Variants in HIBADH observed in about 807,000 individuals in gnomAD.
The protein encoded by HIBADH is 3-hydroxyisobutyrate dehydrogenase.
Under a neutral mutation model 36.1 loss-of-function variants are expected in HIBADH, and 25 were observed. The ratio of observed to expected loss-of-function variants is 0.69; its 90% CI spans 0.50 to 0.97. The LOEUF is 0.97. Ranked by LOEUF, HIBADH falls within the 50% of genes least tolerant of loss-of-function variation. HIBADH has a pLI of 0.00. For missense variants in HIBADH, 421 were observed against 418.0 expected, an observed-to-expected ratio of 1.01 and a Z score of -0.06; for synonymous variants, 160 against 149.5, an observed-to-expected ratio of 1.07 and a Z score of -0.51.
intron 4 of HIBADH, among the ~76,000 whole-genome samples, chr7:27,567,339 A>G (rs898501375): frequency 1.3e-5 from 2 of 152,112 alleles, no homozygotes; most frequent in African/African-American, 4.8e-5. Flanking sequence ...TTTACATGGT[A>G]TATCTTTTTC....
In HIBADH at chr7:27,662,741, G is replaced by C. The variant is rs1372447633; in HGVS notation, c.48C>G (p.Tyr16Ter). ...RLLGAASGLRYWSRRLRPAAG... is the reference protein window; with the variant it reads ...RLLGAASGLR ...CTGCCGGCCGCAGCCGCCGGCTCCAGTACCGGAGACCGGAGGCAGCTCCGA... is the reference window on the plus strand; with the variant it reads ...CTGCCGGCCGCAGCCGCCGGCTCCACTACCGGAGACCGGAGGCAGCTCCGA... Residue 16 changes from tyrosine to a stop codon, truncating the protein, a stop_gained, in exon 1 of 8, where the codon TAC becomes TAG. Coordinates refer to ENST00000265395, the MANE Select transcript of HIBADH (RefSeq NM_152740.4). LOFTEE classifies it high-confidence loss of function. 7.0e-7 allele frequency: 1 copy of C among 1,424,402 alleles called. No homozygotes were observed. Among genetic ancestry groups the C allele is most frequent in the Non-Finnish European group, 9.2e-7 (1 of 1,085,156 alleles). The allele number at this position is 1,424,402 out of a possible 1,614,324, so 88.2% of individuals were successfully genotyped here.
At chr7:27,543,551 C>T (rs1296118263) in intron 4 of HIBADH, among the ~76,000 whole-genome samples, 1 of 152,034 alleles carries the variant, frequency 6.6e-6, no homozygotes, top group Non-Finnish European at 1.5e-5. Context: ...CTCACTCACC[C>T]ACTCTCCAAA....
intron 4 of HIBADH, among the ~76,000 whole-genome samples, chr7:27,554,563 T>C (rs1173282282): frequency 6.6e-6 from 1 of 152,314 alleles, no homozygotes; most frequent in South Asian, 2.1e-4. Context: ...TCTAGTTTGC[T>C]TGAGAAGAAA....
intron 4 of HIBADH, among the ~76,000 whole-genome samples, chr7:27,599,149 C>T (rs62456949): frequency 0.093 from 14,169 of 152,120 alleles, 919 homozygotes; most frequent in Non-Finnish European, 0.14. Context: ...AACATCATAT[C>T]AAAAATGTGT....
At chr7:27,532,544 G>A (rs1274922737) in intron 6 of HIBADH, among the ~76,000 whole-genome samples, 1 of 152,184 alleles carries the variant, frequency 6.6e-6, no homozygotes, top group African/African-American at 2.4e-5. Context: ...CCAAAAATAT[G>A]TATGGAATTA....
At chr7:27,631,971 A>C (rs1229561030) in intron 3 of HIBADH, among the ~76,000 whole-genome samples, 17 of 152,186 alleles carry the variant, frequency 1.1e-4, no homozygotes, top group Non-Finnish European at 7.4e-5. Flanking sequence ...ATGTTTGGCT[A>C]TATTTTTCAT....
intron 4 of HIBADH, among the ~76,000 whole-genome samples, chr7:27,565,620 G>A (rs955199052): frequency 6.6e-6 from 1 of 152,160 alleles, no homozygotes; most frequent in African/African-American, 2.4e-5. Flanking sequence ...TTGTGAATAT[G>A]AATAGTTTTA....
chr7:27,612,389 G>A (rs1364494394), intron 4 of HIBADH, among the ~76,000 whole-genome samples: 7 of 149,354 alleles, frequency 4.7e-5, no homozygotes, highest in African/African-American at 1.5e-4. Context: ...GCAATGGCTC[G>A]ATGTCGGCTC....
chr7:27,650,640 G>A lies in HIBADH; in HGVS notation c.92-1007C>T, dbSNP rs117451171. Among the ~76,000 whole-genome samples, 409 of 146,592 alleles carry A rather than the reference G, an allele frequency of 2.8e-3. 15 individuals are homozygous for A. The East Asian group carries it at 0.063, about 23-fold the overall frequency. ...CCGGTGTAGCTGGGATCACAGACAC[G>A]CACCACCATGCCTGGCTAATTTTTG... is the stretch of plus-strand genomic sequence containing the variant. On this transcript the variant is annotated intron_variant, in intron 1 of 7. Transcript: ENST00000265395.
intron 4 of HIBADH, among the ~76,000 whole-genome samples, chr7:27,559,717 A>C (rs1784438845): frequency 6.6e-6 from 1 of 152,196 alleles, no homozygotes. Flanking sequence ...GGAATATGAC[A>C]GGATTTTCTA....
intron 1 of HIBADH, among the ~76,000 whole-genome samples, chr7:27,659,850 T>C (rs1451010874): frequency 6.6e-6 from 1 of 152,220 alleles, no homozygotes; most frequent in Non-Finnish European, 1.5e-5. Flanking sequence ...TTCACGCCAG[T>C]AGTTCTAGAC....
Position 27,556,800 on chromosome 7 carries a change from A to G in HIBADH, c.485-13700T>C, listed in dbSNP as rs553446778. Among the ~76,000 whole-genome samples, 7 of 152,286 alleles carry G rather than the reference A, an allele frequency of 4.6e-5. No individual in the cohort carries two copies. The East Asian group carries it at 1.4e-3, about 29-fold the overall frequency. On this transcript the variant is annotated intron_variant, in intron 4 of 7. Transcript: ENST00000265395. ...ATGCTGTTTTAATCACTGTAACTTT[A>G]TACTGTGTTCTGATATTTATGGAGT...
At chr7:27,531,473 G>C (rs1453096014) in intron 6 of HIBADH, 125 bp from the exon 7 acceptor site, 6 of 847,900 alleles carry the variant, frequency 7.1e-6, no homozygotes, top group Non-Finnish European at 1.0e-5. Flanking sequence ...AATCTAAGCA[G>C]GTTGATACGA....
chr7:27,565,164 T>C (rs1447097309), intron 4 of HIBADH, among the ~76,000 whole-genome samples: 1 of 152,092 alleles, frequency 6.6e-6, no homozygotes, highest in African/African-American at 2.4e-5. Context: ...ACCAGACACT[T>C]AGAGATAGCC....
At chr7:27,623,148 C>T (rs182983861) in intron 4 of HIBADH, among the ~76,000 whole-genome samples, 1 of 152,240 alleles carries the variant, frequency 6.6e-6, no homozygotes, top group Admixed American at 6.5e-5. Context: ...GAATGAAGGA[C>T]AAAAACCGTA....
chr7:27,572,890 C>T (rs551846617), intron 4 of HIBADH, among the ~76,000 whole-genome samples: 8 of 151,988 alleles, frequency 5.3e-5, no homozygotes, highest in Middle Eastern at 3.4e-3. Context: ...TATTGTCATA[C>T]AAAAGTTAAA....
At chr7:27,597,473 C>T (rs1785050245) in intron 4 of HIBADH, among the ~76,000 whole-genome samples, 2 of 151,784 alleles carry the variant, frequency 1.3e-5, no homozygotes, top group South Asian at 2.1e-4. Flanking sequence ...TCATGATGCT[C>T]GGAGTCAATA....
chr7:27,575,956 G>GC, intron 4 of HIBADH, among the ~76,000 whole-genome samples: 1 of 152,246 alleles, frequency 6.6e-6, no homozygotes, highest in Middle Eastern at 3.4e-3. Context: ...AGCTCAAGTT[G>GC]CCCACCCTAG....
chr7:27,539,275 A>G (rs978681905), intron 5 of HIBADH, among the ~76,000 whole-genome samples: 4 of 152,180 alleles, frequency 2.6e-5, no homozygotes, highest in Admixed American at 2.6e-4. Flanking sequence ...AGACACTGAA[A>G]GAAAGGCTTG....
Sources: allele counts gnomAD v4.1 joint callset (sites outside exome capture counted in the v4.1 genomes callset), GRCh38; gene constraint gnomAD v4.1.1; transcripts MANE v1.5; gene names NCBI Gene and HGNC (gene_info 2026-07-23, HGNC 2026-07-21).